The following RASAL2 variants were observed in gnomAD, a reference collection of about 807,000 sequenced individuals.
RASAL2 encodes ras GTPase-activating protein nGAP.
RASAL2 carries 58 observed loss-of-function variants against 128.9 expected under a neutral mutation model. That is an observed-to-expected ratio of 0.45 (90% CI 0.36 to 0.56). The LOEUF (loss-of-function observed/expected upper bound fraction) is 0.56. Among genes scored for constraint, RASAL2 ranks in the 20% least tolerant of loss-of-function variants. RASAL2 has a pLI of 0.00. For missense variants in RASAL2, 1,360 were observed against 1,601.6 expected (o/e 0.85, Z 2.57); for synonymous variants, 561 against 580.8 (o/e 0.97, Z 0.49).
chr1:178,322,826 A>G (rs1395205076), intron 3 of RASAL2, among the ~76,000 whole-genome samples: 1 of 152,134 alleles, frequency 6.6e-6, no homozygotes, highest in African/African-American at 2.4e-5. Flanking sequence ...TAAACGTCCT[A>G]TATATTCTGA....
At chr1:178,223,184 C>G (rs1022301998) in intron 1 of RASAL2, among the ~76,000 whole-genome samples, 1 of 152,114 alleles carries the variant, frequency 6.6e-6, no homozygotes, top group African/African-American at 2.4e-5. Flanking sequence ...ACTTGAGACA[C>G]TATGGAGAAT....
intron 1 of RASAL2, among the ~76,000 whole-genome samples, chr1:178,227,843 C>G (rs980359237): frequency 6.6e-6 from 1 of 152,148 alleles, no homozygotes; most frequent in Non-Finnish European, 1.5e-5. Flanking sequence ...TTTCAATGAG[C>G]AGCCAACTTT....
At chr1:178,331,708 T>A (rs1302814046) in intron 3 of RASAL2, among the ~76,000 whole-genome samples, 1 of 149,488 alleles carries the variant, frequency 6.7e-6, no homozygotes, top group Non-Finnish European at 1.5e-5. Context: ...TGCCTCAGCC[T>A]CCCGAATAGC....
intron 16 of RASAL2, 151 bp from the exon 17 acceptor site, chr1:178,467,183 T>C (rs768518164): frequency 1.7e-4 from 106 of 633,698 alleles, no homozygotes; most frequent in Non-Finnish European, 2.4e-4. Context: ...AAATCAACCT[T>C]AGATGTCTTA....
At chr1:178,099,469 T>C (rs1658812617) in intron 1 of RASAL2, among the ~76,000 whole-genome samples, 5 of 152,250 alleles carry the variant, frequency 3.3e-5, no homozygotes, top group Non-Finnish European at 7.3e-5. Context: ...GTATGTCTTA[T>C]TTAAATTGTG....
chr1:178,450,219 C>T (rs1345933110), intron 9 of RASAL2, among the ~76,000 whole-genome samples: 1 of 152,044 alleles, frequency 6.6e-6, no homozygotes, highest in Non-Finnish European at 1.5e-5. Context: ...TACTAAGAGC[C>T]AGGTACCATA....
intron 1 of RASAL2, among the ~76,000 whole-genome samples, chr1:178,246,187 TC>T (rs1180780896): frequency 6.6e-6 from 1 of 152,242 alleles, no homozygotes; most frequent in Non-Finnish European, 1.5e-5. Flanking sequence ...TATTGATTCT[TC>T]CTATCCATGA....
chr1:178,289,951 C>G (rs1667202599), intron 2 of RASAL2, among the ~76,000 whole-genome samples: 1 of 152,156 alleles, frequency 6.6e-6, no homozygotes, highest in African/African-American at 2.4e-5. Flanking sequence ...TCCTTCATCT[C>G]TTTGCTTACA....
chr1:178,300,748 T>C (rs1667729500), intron 3 of RASAL2, among the ~76,000 whole-genome samples: 1 of 152,238 alleles, frequency 6.6e-6, no homozygotes, highest in Non-Finnish European at 1.5e-5. Flanking sequence ...CCCTACCAAA[T>C]GTATTCTGTT....
At chr1:178,176,768 C>T (rs896922189) in intron 1 of RASAL2, among the ~76,000 whole-genome samples, 1 of 152,074 alleles carries the variant, frequency 6.6e-6, no homozygotes, top group Non-Finnish European at 1.5e-5. Context: ...AGCTTAGCCT[C>T]CTGAGTAGCT....
chr1:178,409,417 A>G (rs1163517234), intron 4 of RASAL2, among the ~76,000 whole-genome samples: 1 of 152,208 alleles, frequency 6.6e-6, no homozygotes, highest in African/African-American at 2.4e-5. Flanking sequence ...GGGTCAGGTC[A>G]TGTCAAAAAA....
intron 1 of RASAL2, among the ~76,000 whole-genome samples, chr1:178,148,221 G>A (rs923448269): frequency 4.6e-5 from 7 of 151,320 alleles, no homozygotes; most frequent in South Asian, 4.2e-4. Context: ...GCTTAACCAT[G>A]AGTAAGGGAT....
intron 3 of RASAL2, among the ~76,000 whole-genome samples, chr1:178,350,960 G>A (rs2102438105): frequency 6.6e-6 from 1 of 152,314 alleles, no homozygotes; most frequent in East Asian, 1.9e-4. Context: ...GGCATCATCT[G>A]CTTCTGGGGA....
At chr1:178,299,658 C>T (rs972403929) in intron 2 of RASAL2, among the ~76,000 whole-genome samples, 10 of 151,912 alleles carry the variant, frequency 6.6e-5, no homozygotes, top group Non-Finnish European at 4.4e-5. Flanking sequence ...CCACCACGCC[C>T]AGCTAATTTT....
intron 3 of RASAL2, among the ~76,000 whole-genome samples, chr1:178,385,253 G>C (rs1259375237): frequency 6.6e-6 from 1 of 152,120 alleles, no homozygotes; most frequent in Non-Finnish European, 1.5e-5. Context: ...AGGAGTTAGA[G>C]ACTAGCCTGG....
chr1:178,122,208 C>A (rs1275137923), intron 1 of RASAL2, among the ~76,000 whole-genome samples: 1 of 152,104 alleles, frequency 6.6e-6, no homozygotes, highest in African/African-American at 2.4e-5. Context: ...GCATTAAAAT[C>A]GGTTTGGTAT....
chr1:178,441,707 A>C (rs979899090), intron 7 of RASAL2, 60 bp downstream of exon 7: 1 of 1,343,896 alleles, frequency 7.4e-7, no homozygotes, highest in Non-Finnish European at 1.1e-6. Flanking sequence ...AATTGATAGA[A>C]GGTAAGTGTG....
intron 17 of RASAL2, 90 bp from the exon 18 acceptor site, chr1:178,472,985 T>G: frequency 6.9e-7 from 1 of 1,455,840 alleles, no homozygotes; most frequent in Non-Finnish European, 9.5e-7. Context: ...TACAACTGTT[T>G]GAGAGAAAGC....
At chr1:178,277,597 G>C (rs1450985164) in intron 1 of RASAL2, among the ~76,000 whole-genome samples, 1 of 152,232 alleles carries the variant, frequency 6.6e-6, no homozygotes, top group African/African-American at 2.4e-5. Context: ...CCATTTCTAA[G>C]CCAGGTTAGC....
Sources: allele counts gnomAD v4.1 joint callset (sites outside exome capture counted in the v4.1 genomes callset), GRCh38; gene constraint gnomAD v4.1.1; transcripts MANE v1.5; gene names NCBI Gene and HGNC (gene_info 2026-07-23, HGNC 2026-07-21).